KIAA1217: variants seen among roughly 807,000 people sequenced by gnomAD.
The protein encoded by KIAA1217 is sickle tail protein homolog.
In KIAA1217, 88 loss-of-function variants were observed where a neutral mutation model predicts 163.9. The observed-to-expected ratio is 0.54, with a 90% CI of 0.45 to 0.64. KIAA1217 has a LOEUF of 0.64. Among genes scored for constraint, KIAA1217 ranks in the 30% least tolerant of loss-of-function variants. The pLI, the probability that KIAA1217 is intolerant of heterozygous loss-of-function variation, is 0.00. For missense variants in KIAA1217, 2,372 were observed against 2,475.0 expected (o/e 0.96, Z 0.88); for synonymous variants, 903 against 923.1 (o/e 0.98, Z 0.39).
chr10:24,404,129 T>C (rs1486930949), intron 3 of KIAA1217, among the ~76,000 whole-genome samples: 3 of 152,130 alleles, frequency 2.0e-5, no homozygotes, highest in Non-Finnish European at 4.4e-5. Context: ...AGCTAATTTT[T>C]TGTATTTATT....
Position 24,520,273 on chromosome 10 carries a change from G to C in KIAA1217, c.2308+20G>C, listed in dbSNP as rs776646009. The C allele has an allele frequency of 1.2e-6, 2 of 1,613,490 alleles. No individual in the cohort carries two copies. The highest frequency in any genetic ancestry group is 1.7e-5 in the Admixed American group (1 of 59,962). ...TGAAAGGTAAACTTTCTGCTGGGTC[G>C]GGGGAGGAGTCTGAGCTGTCTTTCC... On this transcript the variant is annotated intron_variant, in intron 11 of 20. Transcript: ENST00000376454.
At chr10:24,018,421 A>G (rs1405161725) in intron 2 of KIAA1217, among the ~76,000 whole-genome samples, 1 of 152,112 alleles carries the variant, frequency 6.6e-6, no homozygotes, top group Admixed American at 6.6e-5. Context: ...GGATTTGTGA[A>G]CTGAAAGAGC....
At chr10:24,122,437 G>A (rs1416522575) in intron 2 of KIAA1217, among the ~76,000 whole-genome samples, 1 of 152,094 alleles carries the variant, frequency 6.6e-6, no homozygotes, top group Non-Finnish European at 1.5e-5. Flanking sequence ...TTGCTACTGT[G>A]AATAGTGCTG....
intron 1 of KIAA1217, among the ~76,000 whole-genome samples, chr10:23,820,182 T>C (rs1837554956): frequency 6.6e-6 from 1 of 152,148 alleles, no homozygotes; most frequent in African/African-American, 2.4e-5. Flanking sequence ...CATCGAAGCA[T>C]AAAATTCTGA....
intron 1 of KIAA1217, among the ~76,000 whole-genome samples, chr10:23,818,283 A>G (rs1837444471): frequency 7.0e-6 from 1 of 142,904 alleles, no homozygotes. Flanking sequence ...TATGTTATAT[A>G]TTTATATGTT....
chr10:24,167,169 T>A (rs775710320), intron 2 of KIAA1217, among the ~76,000 whole-genome samples: 3 of 137,042 alleles, frequency 2.2e-5, no homozygotes, highest in South Asian at 2.5e-4. Flanking sequence ...TGGACTTCTC[T>A]AGTCTTTGTT....
chr10:24,202,036 A>AC (rs1437588555), intron 2 of KIAA1217, among the ~76,000 whole-genome samples: 2 of 151,906 alleles, frequency 1.3e-5, no homozygotes, highest in African/African-American at 4.8e-5. Context: ...GTGCTGGGTG[A>AC]CCCCCTCAGC....
At chr10:24,236,841 G>A (rs952666494) in intron 2 of KIAA1217, among the ~76,000 whole-genome samples, 14 of 151,056 alleles carry the variant, frequency 9.3e-5, no homozygotes, top group Non-Finnish European at 2.1e-4. Context: ...TTGTAGAGAC[G>A]GGGTATTGCT....
intron 6 of KIAA1217, among the ~76,000 whole-genome samples, chr10:24,490,243 A>G (rs1345761426): frequency 1.3e-5 from 2 of 152,238 alleles, no homozygotes; most frequent in Non-Finnish European, 2.9e-5. Flanking sequence ...TTTTTAAGCC[A>G]TCTTTTCAAC....
At chr10:23,748,670 T>A (rs1839560182) in intron 1 of KIAA1217, among the ~76,000 whole-genome samples, 2 of 152,034 alleles carry the variant, frequency 1.3e-5, no homozygotes, top group Middle Eastern at 3.4e-3. Context: ...GTTTTCAGAG[T>A]CAGTAGTTGG....
chr10:23,926,657 G>A (rs917503508), intron 1 of KIAA1217, among the ~76,000 whole-genome samples: 2 of 152,010 alleles, frequency 1.3e-5, no homozygotes, highest in Admixed American at 1.3e-4. Context: ...CCCGGGAGGC[G>A]GAGGTTGCAG....
Position 24,397,010 on chromosome 10 carries a change from G to T in KIAA1217, c.553+15943G>T, listed in dbSNP as rs11014078. ...GTGTTAGCAGAGTGAGCAGGGAAAA[G>T]AATCTGGGTTCTGTAGATGCTTTGA... On this transcript the variant is annotated intron_variant, in intron 3 of 20. Transcript: ENST00000376454. 2.0e-5 allele frequency among the ~76,000 whole-genome samples: 3 copies of T among 151,984 alleles called. No homozygotes were observed. In the South Asian group the frequency reaches 6.2e-4, roughly 32 times the overall value.
chr10:23,963,954 T>C (rs1339246692), intron 1 of KIAA1217, among the ~76,000 whole-genome samples: 2 of 151,276 alleles, frequency 1.3e-5, no homozygotes, highest in Non-Finnish European at 2.9e-5. Context: ...AGTGCAGTAG[T>C]GCAATCTTGG....
chr10:24,375,953 A>C (rs976471415), intron 2 of KIAA1217, among the ~76,000 whole-genome samples: 2 of 152,226 alleles, frequency 1.3e-5, no homozygotes, highest in Admixed American at 1.3e-4. Flanking sequence ...GGAATGAAAA[A>C]TACATCATCA....
At chr10:23,819,692 T>C (rs1028147705) in intron 1 of KIAA1217, among the ~76,000 whole-genome samples, 6 of 152,184 alleles carry the variant, frequency 3.9e-5, no homozygotes, top group African/African-American at 1.4e-4. Context: ...CTAATACTTT[T>C]CTGATGCCAT....
chr10:24,045,204 C>A (rs1848912598), intron 2 of KIAA1217, among the ~76,000 whole-genome samples: 1 of 152,028 alleles, frequency 6.6e-6, no homozygotes, highest in South Asian at 2.1e-4. Context: ...GATGAGAAGT[C>A]CTGTGTTGTT....
intron 2 of KIAA1217, among the ~76,000 whole-genome samples, chr10:24,193,799 T>A (rs1286490865): frequency 2.8e-5 from 3 of 107,230 alleles, no homozygotes; most frequent in Non-Finnish European, 5.8e-5. Flanking sequence ...TGCAGCGTTT[T>A]CTACACACAC....
chr10:24,088,881 C>A (rs2061819928), intron 2 of KIAA1217, among the ~76,000 whole-genome samples: 1 of 124,802 alleles, frequency 8.0e-6, no homozygotes, highest in Non-Finnish European at 2.0e-5. Context: ...CTGACTTCCA[C>A]AATGGTTGAA....
intron 2 of KIAA1217, among the ~76,000 whole-genome samples, chr10:24,008,259 G>A (rs1847092136): frequency 6.6e-6 from 1 of 151,980 alleles, no homozygotes; most frequent in Non-Finnish European, 1.5e-5. Context: ...TTGGTTTAGT[G>A]AGCTGTATAA....
Sources: gnomAD v4.1 joint callset for allele counts (sites outside exome capture counted in the v4.1 genomes callset) on GRCh38, gnomAD v4.1.1 for gene constraint, MANE v1.5 for transcripts, NCBI Gene and HGNC (gene_info 2026-07-23, HGNC 2026-07-21) for gene names.